KCNIP4: variants seen among roughly 807,000 people sequenced by gnomAD.
KCNIP4 encodes Kv channel-interacting protein 4.
A neutral mutation model predicts 34.0 loss-of-function variants in KCNIP4; 12 were observed. That is an observed-to-expected ratio of 0.35 (90% CI 0.23 to 0.57). The LOEUF is 0.57. KCNIP4 is among the 20% of genes least tolerant of loss of function. The pLI, the probability that KCNIP4 is intolerant of heterozygous loss-of-function variation, is 0.83. For synonymous variants in KCNIP4, 124 were observed against 102.2 expected (o/e 1.21, Z -1.29); for missense variants, 238 against 311.7 (o/e 0.76, Z 1.78).
At chr4:20,770,029 G>C (rs555990158) in intron 3 of KCNIP4, among the ~76,000 whole-genome samples, 60 of 152,284 alleles carry the variant, frequency 3.9e-4, no homozygotes, top group South Asian at 8.3e-4. Context: ...ACCTTGCTTA[G>C]TATTTGATTG....
At chr4:21,594,689 G>A (rs1256297204) in intron 1 of KCNIP4, among the ~76,000 whole-genome samples, 1 of 151,726 alleles carries the variant, frequency 6.6e-6, no homozygotes, top group African/African-American at 2.4e-5. Flanking sequence ...ATGCTGCTCA[G>A]AGATAAAGAT....
chr4:21,732,045 T>A (rs1322415258), intron 1 of KCNIP4, among the ~76,000 whole-genome samples: 2 of 150,906 alleles, frequency 1.3e-5, no homozygotes, highest in African/African-American at 4.9e-5. Flanking sequence ...TATATTTAAT[T>A]GAATAAACTT....
intron 1 of KCNIP4, among the ~76,000 whole-genome samples, chr4:21,180,474 TAAGTAAA>T (rs1754758789): frequency 6.6e-6 from 1 of 151,974 alleles, no homozygotes; most frequent in Admixed American, 6.6e-5. Context: ...TACTTGCCAA[TAAGTAAA>T]AAGTAAATAA....
chr4:21,558,915 C>T (rs907077538), intron 1 of KCNIP4, among the ~76,000 whole-genome samples: 6 of 152,028 alleles, frequency 3.9e-5, no homozygotes, highest in African/African-American at 1.4e-4. Flanking sequence ...TGTAAGTTAC[C>T]AGAGCTTCAT....
At chr4:20,904,761 G>A (rs935743575) in intron 1 of KCNIP4, among the ~76,000 whole-genome samples, 2 of 151,968 alleles carry the variant, frequency 1.3e-5, no homozygotes, top group African/African-American at 2.4e-5. Flanking sequence ...TTACAAATTC[G>A]TGCAAGAACT....
At chr4:20,776,962 A>G (rs1756423340) in intron 3 of KCNIP4, among the ~76,000 whole-genome samples, 1 of 152,178 alleles carries the variant, frequency 6.6e-6, no homozygotes, top group African/African-American at 2.4e-5. Flanking sequence ...GAAATGTTTT[A>G]TGCTATAGAC....
At chr4:21,080,447 C>A (rs1270151183) in intron 1 of KCNIP4, among the ~76,000 whole-genome samples, 1 of 151,814 alleles carries the variant, frequency 6.6e-6, no homozygotes, top group Non-Finnish European at 1.5e-5. Flanking sequence ...TAAGATCTTT[C>A]TTCCTTAAAT....
At chr4:21,281,119 T>A (rs1436621508) in intron 1 of KCNIP4, among the ~76,000 whole-genome samples, 1 of 149,514 alleles carries the variant, frequency 6.7e-6, no homozygotes, top group Non-Finnish European at 1.5e-5. Flanking sequence ...TGGAGTCTTG[T>A]TCTGTTCCCC....
chr4:20,779,586 C>CG (rs560534843), intron 3 of KCNIP4, among the ~76,000 whole-genome samples: 1 of 135,064 alleles, frequency 7.4e-6, no homozygotes, highest in African/African-American at 2.8e-5. Flanking sequence ...ACCCCCCCCC[C>CG]CCACACAAAA....
chr4:21,471,220 A>G (rs1460491), intron 1 of KCNIP4, among the ~76,000 whole-genome samples: 41,143 of 151,942 alleles, frequency 0.27, 6,052 homozygotes, highest in African/African-American at 0.38. Flanking sequence ...TGTTTTTAGG[A>G]ATTGAGGAAA....
At chr4:21,572,739 C>T (rs1403950736) in intron 1 of KCNIP4, among the ~76,000 whole-genome samples, 1 of 151,698 alleles carries the variant, frequency 6.6e-6, no homozygotes, top group Non-Finnish European at 1.5e-5. Context: ...GATTCTTGTG[C>T]CTCAGCTCCC....
chr4:20,835,391 C>G (rs1301590888), intron 3 of KCNIP4, among the ~76,000 whole-genome samples: 1 of 152,142 alleles, frequency 6.6e-6, no homozygotes, highest in Non-Finnish European at 1.5e-5. Flanking sequence ...AGCCTTGCCA[C>G]TTCCTAGCTG....
chr4:21,524,991 GC>G (rs1735853997), intron 1 of KCNIP4, among the ~76,000 whole-genome samples: 1 of 152,082 alleles, frequency 6.6e-6, no homozygotes, highest in African/African-American at 2.4e-5. Context: ...TTCCAATAGA[GC>G]CAGTAGCAGC....
At chr4:20,996,503 C>T (rs1390792578) in intron 1 of KCNIP4, among the ~76,000 whole-genome samples, 1 of 152,162 alleles carries the variant, frequency 6.6e-6, no homozygotes, top group East Asian at 1.9e-4. Context: ...ACTATCCCTG[C>T]CACTGGTCTT....
At chr4:20,863,988 A>C (rs1722484947) in intron 2 of KCNIP4, among the ~76,000 whole-genome samples, 1 of 145,840 alleles carries the variant, frequency 6.9e-6, no homozygotes, top group South Asian at 2.1e-4. Flanking sequence ...ACATATGTAT[A>C]ACTAGATATA....
chr4:21,440,366 AG>A (rs1294375236), intron 1 of KCNIP4, among the ~76,000 whole-genome samples: 1 of 152,254 alleles, frequency 6.6e-6, no homozygotes, highest in East Asian at 1.9e-4. Flanking sequence ...AAACCATTTC[AG>A]GAAGTATCAA....
In KCNIP4 at chr4:20,983,045, ATGTG is replaced by A. The variant is rs1037971334; in HGVS notation, c.62-100340_62-100337del. Reference sequence around the variant, plus strand: ...GTAAAAGCATTATTTCATAAACAATATGTGTGTGTGTTTGATACATACATATACA... The same window carrying A: ...GTAAAAGCATTATTTCATAAACAATATGTGTGTTTGATACATACATATACA... On this transcript the variant is annotated intron_variant, in intron 1 of 8. Coordinates refer to ENST00000382152, the MANE Select transcript of KCNIP4 (RefSeq NM_025221.6). Among the ~76,000 whole-genome samples, 54 of 152,346 alleles carry A rather than the reference ATGTG, an allele frequency of 3.5e-4. 1 individual carries two copies. The highest frequency in any genetic ancestry group is 1.1e-3 in the African/African-American group (47 of 41,584).
chr4:21,571,935 A>G (rs1403928245), intron 1 of KCNIP4, among the ~76,000 whole-genome samples: 4 of 152,196 alleles, frequency 2.6e-5, no homozygotes, highest in Admixed American at 2.0e-4. Context: ...TGTATGGCAC[A>G]CTATTTCATT....
intron 1 of KCNIP4, among the ~76,000 whole-genome samples, chr4:21,286,967 C>A (rs1340100438): frequency 6.6e-6 from 1 of 152,064 alleles, no homozygotes; most frequent in Non-Finnish European, 1.5e-5. Flanking sequence ...TAAACAAAAG[C>A]AGGCTGTTTT....
Sources: gnomAD v4.1 joint callset for allele counts (sites outside exome capture counted in the v4.1 genomes callset) on GRCh38, gnomAD v4.1.1 for gene constraint, MANE v1.5 for transcripts, NCBI Gene and HGNC (gene_info 2026-07-23, HGNC 2026-07-21) for gene names.